The following ENPP6 variants were observed in gnomAD, a reference collection of about 807,000 sequenced individuals.
ENPP6 encodes the protein glycerophosphocholine cholinephosphodiesterase ENPP6.
In ENPP6, 32 loss-of-function variants were observed where a neutral mutation model predicts 42.0. The ratio of observed to expected loss-of-function variants is 0.76; its 90% confidence interval spans 0.58 to 1.02. The LOEUF is 1.02. Ranked by LOEUF, ENPP6 falls within the 50% of genes least tolerant of loss-of-function variation. The probability of loss-of-function intolerance (pLI) is 0.00; values close to 1 mark genes in which losing one functional copy is unlikely to be tolerated. For synonymous variants in ENPP6, 213 were observed against 216.0 expected, an observed-to-expected ratio of 0.99 and a Z score of 0.12; for missense variants, 552 against 566.8, an observed-to-expected ratio of 0.97 and a Z score of 0.27.
At chr4:184,168,642 C>T (rs924845822) in intron 1 of ENPP6, among the ~76,000 whole-genome samples, 5 of 152,212 alleles carry the variant, frequency 3.3e-5, no homozygotes, top group African/African-American at 1.2e-4. Context: ...CAGCCGTCCC[C>T]GTAGTCCGCC....
chr4:184,142,778 T>A (rs1048280055), intron 2 of ENPP6, among the ~76,000 whole-genome samples: 1 of 152,214 alleles, frequency 6.6e-6, no homozygotes, highest in African/African-American at 2.4e-5. Flanking sequence ...GGGAGGCAGA[T>A]GGTGAAACTA....
At chr4:184,094,574 C>T (rs1401254905) in intron 7 of ENPP6, among the ~76,000 whole-genome samples, 7 of 152,184 alleles carry the variant, frequency 4.6e-5, no homozygotes, top group Admixed American at 4.6e-4. Context: ...AACTGAGGAC[C>T]CAGACAGGCT....
At chr4:184,157,074 T>A (rs1171962533) in intron 1 of ENPP6, among the ~76,000 whole-genome samples, 1 of 152,238 alleles carries the variant, frequency 6.6e-6, no homozygotes, top group Non-Finnish European at 1.5e-5. Context: ...TCCTGCTAAG[T>A]CAGTTTAGTG....
chr4:184,157,429 C>CCTTTTCTTTCTTT (rs1560995711), intron 1 of ENPP6, among the ~76,000 whole-genome samples: 1 of 110,386 alleles, frequency 9.1e-6, no homozygotes, highest in African/African-American at 3.6e-5. Flanking sequence ...TTCTTTCTTT[C>CCTTTTCTTTCTTT]CTTTTCTTTC....
At chr4:184,208,567 C>G (rs1004376581) in intron 1 of ENPP6, among the ~76,000 whole-genome samples, 71 of 152,002 alleles carry the variant, frequency 4.7e-4, no homozygotes, top group Non-Finnish European at 8.7e-4. Flanking sequence ...GATTATAACC[C>G]GCACCTGGCT....
In ENPP6 at chr4:184,089,244, T is replaced by G. The variant is rs886170441; in HGVS notation, c.*1933A>C. 1 of 152,214 alleles carries G rather than the reference T, an allele frequency of 6.6e-6. No individual in the cohort carries two copies. Among genetic ancestry groups the G allele is most frequent in the Non-Finnish European group, 1.5e-5 (1 of 68,030 alleles). 9.4% of individuals were successfully genotyped at this position (152,214 alleles called of 1,614,324 possible). On this transcript the variant is annotated 3_prime_UTR_variant, in exon 8 of 8. Transcript: ENST00000296741. ...ATTACATAAATCTTTAGAAATCTTT[T>G]GTGAAGGTAAATTCAGTATTTTTAA...
chr4:184,096,173 T>C (rs868010920), intron 7 of ENPP6, among the ~76,000 whole-genome samples: 2 of 152,194 alleles, frequency 1.3e-5, no homozygotes, highest in African/African-American at 4.8e-5. Context: ...TGACACCTCA[T>C]AGTTCCTAAA....
intron 2 of ENPP6, among the ~76,000 whole-genome samples, chr4:184,137,240 G>T (rs538465857): frequency 2.0e-5 from 3 of 152,284 alleles, no homozygotes; most frequent in Non-Finnish European, 1.5e-5. Flanking sequence ...GGGACTACAG[G>T]CACCCACCAC....
intron 1 of ENPP6, among the ~76,000 whole-genome samples, chr4:184,215,593 G>A (rs1246840123): frequency 6.6e-6 from 1 of 152,150 alleles, no homozygotes; most frequent in African/African-American, 2.4e-5. Context: ...TCATACCCAA[G>A]GACATTTGTA....
chr4:184,197,501 A>G (rs867080159), intron 1 of ENPP6, among the ~76,000 whole-genome samples: 3 of 152,202 alleles, frequency 2.0e-5, no homozygotes, highest in South Asian at 4.1e-4. Context: ...CTGATCATCT[A>G]AGGGATGCCA....
intron 1 of ENPP6, among the ~76,000 whole-genome samples, chr4:184,183,000 C>T (rs1027815974): frequency 7.2e-5 from 11 of 152,116 alleles, no homozygotes; most frequent in Non-Finnish European, 1.3e-4. Flanking sequence ...GCACAAGTAC[C>T]CTAGAATTTA....
At chr4:184,165,611 T>C (rs1737336723) in intron 1 of ENPP6, among the ~76,000 whole-genome samples, 1 of 149,846 alleles carries the variant, frequency 6.7e-6, no homozygotes, top group Non-Finnish European at 1.5e-5. Context: ...AATCAACTAT[T>C]ATGCATCAAA....
chr4:184,146,812 C>G (rs1040382377), intron 2 of ENPP6, among the ~76,000 whole-genome samples: 1 of 152,244 alleles, frequency 6.6e-6, no homozygotes, highest in Non-Finnish European at 1.5e-5. Flanking sequence ...CACAGCTCTG[C>G]TGGGGCTTCT....
At chr4:184,165,131 G>C (rs1737327624) in intron 1 of ENPP6, among the ~76,000 whole-genome samples, 1 of 152,154 alleles carries the variant, frequency 6.6e-6, no homozygotes, top group South Asian at 2.1e-4. Flanking sequence ...ACTCTGGAGG[G>C]GTGAAGCTCA....
chr4:184,207,052 G>T (rs56221885), intron 1 of ENPP6, among the ~76,000 whole-genome samples: 7,269 of 152,314 alleles, frequency 0.048, 247 homozygotes, highest in Non-Finnish European at 0.076. Flanking sequence ...TCTGATGCCT[G>T]CTCCCCCATC....
At chr4:184,134,769 G>C (rs1047705952) in intron 2 of ENPP6, among the ~76,000 whole-genome samples, 2 of 148,238 alleles carry the variant, frequency 1.3e-5, no homozygotes, top group Non-Finnish European at 3.0e-5. Flanking sequence ...TTACATTTGG[G>C]GATAATTAAA....
chr4:184,092,036 T>A (rs1022102806), intron 7 of ENPP6, among the ~76,000 whole-genome samples: 4 of 152,208 alleles, frequency 2.6e-5, no homozygotes. Flanking sequence ...CAGCAGAGCC[T>A]GTATGGTCAC....
At chr4:184,098,111 A>G (rs939171996) in intron 6 of ENPP6, among the ~76,000 whole-genome samples, 1 of 152,216 alleles carries the variant, frequency 6.6e-6, no homozygotes, top group African/African-American at 2.4e-5. Flanking sequence ...ACAATAAAAC[A>G]GCCATCTTAA....
rs368407649 is a variant in ENPP6 at position 184,117,074 on chromosome 4, G to A, written c.676-39C>T. On this transcript the variant is annotated intron_variant, in intron 4 of 7. Coordinates refer to ENST00000296741, the MANE Select transcript of ENPP6 (RefSeq NM_153343.4). ...AAAGACAGTCATTACGGCACCAACAGAGAGGCTCGTGCACTCAGAAAACCT... is the reference window on the plus strand; with the variant it reads ...AAAGACAGTCATTACGGCACCAACAAAGAGGCTCGTGCACTCAGAAAACCT... The A allele has an allele frequency of 1.2e-5, 19 of 1,610,890 alleles. No individual in the cohort carries two copies. In the African/African-American group the frequency reaches 2.0e-4, roughly 17 times the overall value.
Sources: gnomAD v4.1 joint callset for allele counts (sites outside exome capture counted in the v4.1 genomes callset) on GRCh38, gnomAD v4.1.1 for gene constraint, MANE v1.5 for transcripts, NCBI Gene and HGNC (gene_info 2026-07-23, HGNC 2026-07-21) for gene names.